ROBO2: variants seen among roughly 807,000 people sequenced by gnomAD.
ROBO2 encodes roundabout guidance receptor 2.
In ROBO2, 53 loss-of-function variants were observed where a neutral mutation model predicts 160.8. The ratio of observed to expected loss-of-function variants is 0.33; its 90% CI spans 0.26 to 0.41. ROBO2 has a LOEUF of 0.41. Ranked by LOEUF, ROBO2 falls within the 10% of genes least tolerant of loss-of-function variation. ROBO2 has a pLI of 1.00. For missense variants in ROBO2, 1,577 were observed against 1,722.4 expected, an observed-to-expected ratio of 0.92 and a Z score of 1.49; for synonymous variants, 664 against 611.7, an observed-to-expected ratio of 1.09 and a Z score of -1.26.
At chr3:76,166,394 T>C (rs1041847530) in intron 2 of ROBO2, among the ~76,000 whole-genome samples, 5 of 152,226 alleles carry the variant, frequency 3.3e-5, no homozygotes, top group East Asian at 3.9e-4. Flanking sequence ...GTTCAGCTCA[T>C]GTTCAGCTCA....
intron 1 of ROBO2, among the ~76,000 whole-genome samples, chr3:77,063,622 G>A (rs1372766039): frequency 3.3e-5 from 5 of 152,098 alleles, no homozygotes; most frequent in Non-Finnish European, 5.9e-5. Flanking sequence ...TCACACTTAC[G>A]TTAGGCTACT....
At chr3:77,061,688 C>G (rs1347987215) in intron 1 of ROBO2, among the ~76,000 whole-genome samples, 2 of 152,114 alleles carry the variant, frequency 1.3e-5, no homozygotes, top group Non-Finnish European at 2.9e-5. Flanking sequence ...GGACTTATCA[C>G]CATGGATCGT....
chr3:76,107,805 T>A (rs1298788070), intron 2 of ROBO2, among the ~76,000 whole-genome samples: 1 of 152,134 alleles, frequency 6.6e-6, no homozygotes, highest in Non-Finnish European at 1.5e-5. Flanking sequence ...TATATTTTTC[T>A]TATTTTTCCC....
intron 2 of ROBO2, among the ~76,000 whole-genome samples, chr3:77,205,937 T>C (rs892623457): frequency 3.2e-4 from 48 of 152,096 alleles, no homozygotes; most frequent in African/African-American, 1.1e-3. Flanking sequence ...ACAACAGAAA[T>C]GCATTATCTT....
At chr3:76,495,402 GA>G (rs930237142) in intron 2 of ROBO2, among the ~76,000 whole-genome samples, 17 of 152,064 alleles carry the variant, frequency 1.1e-4, no homozygotes, top group Admixed American at 1.0e-3. Context: ...TTAATGCCAT[GA>G]GACAGCCTCA....
At chr3:76,951,107 A>G (rs1056482311) in intron 2 of ROBO2, among the ~76,000 whole-genome samples, 3 of 152,184 alleles carry the variant, frequency 2.0e-5, no homozygotes, top group Admixed American at 6.5e-5. Context: ...TACAATTTTC[A>G]TCAAGGTGAT....
intron 2 of ROBO2, among the ~76,000 whole-genome samples, chr3:77,473,101 T>C (rs1473797286): frequency 6.6e-6 from 1 of 152,020 alleles, no homozygotes; most frequent in East Asian, 1.9e-4. Context: ...GTTGGTTTTA[T>C]AGATGAGCTT....
chr3:76,141,113 C>A (rs2071627142), intron 2 of ROBO2, among the ~76,000 whole-genome samples: 2 of 46,200 alleles, frequency 4.3e-5, no homozygotes, highest in Non-Finnish European at 8.4e-5. Context: ...TATGAGCTAC[C>A]ATGCTCTCTC....
At chr3:77,100,051 A>G (rs2071687596) in intron 2 of ROBO2, among the ~76,000 whole-genome samples, 1 of 152,210 alleles carries the variant, frequency 6.6e-6, no homozygotes, top group African/African-American at 2.4e-5. Flanking sequence ...ATTAAAGTAT[A>G]TAAAAATTGA....
chr3:76,089,710 G>C (rs2069152019), intron 2 of ROBO2, among the ~76,000 whole-genome samples: 1 of 152,138 alleles, frequency 6.6e-6, no homozygotes, highest in South Asian at 2.1e-4. Context: ...AAAGATCTAA[G>C]TCTACAGCTA....
chr3:76,435,074 C>T, intron 2 of ROBO2: 3 of 1,065,914 alleles, frequency 2.8e-6, no homozygotes, highest in Non-Finnish European at 4.4e-6. Context: ...AGTGTGTCAA[C>T]ATGACATTGC....
chr3:77,239,432 G>A (rs372428762), intron 2 of ROBO2, among the ~76,000 whole-genome samples: 38 of 152,120 alleles, frequency 2.5e-4, no homozygotes, highest in African/African-American at 8.4e-4. Context: ...AAGGCAGTGC[G>A]GACCCAAAGG....
At chr3:76,031,932 A>G (rs781468013) in intron 2 of ROBO2, among the ~76,000 whole-genome samples, 4 of 152,132 alleles carry the variant, frequency 2.6e-5, no homozygotes, top group Non-Finnish European at 4.4e-5. Flanking sequence ...ATAGTTTCAG[A>G]AGGAATGGTA....
chr3:76,917,450 A>C (rs1044247137), intron 2 of ROBO2, among the ~76,000 whole-genome samples: 4 of 152,222 alleles, frequency 2.6e-5, no homozygotes, highest in African/African-American at 4.8e-5. Flanking sequence ...AAAATCATGA[A>C]AACATTAGGA....
intron 2 of ROBO2, among the ~76,000 whole-genome samples, chr3:75,950,956 T>A (rs894052279): frequency 5.3e-5 from 8 of 152,240 alleles, no homozygotes; most frequent in Non-Finnish European, 1.2e-4. Context: ...CTAGTTTTTA[T>A]TAATCTTAAA....
At chr3:76,955,888 C>CG (rs546193414) in intron 2 of ROBO2, among the ~76,000 whole-genome samples, 1 of 124,080 alleles carries the variant, frequency 8.1e-6, no homozygotes, top group Admixed American at 8.3e-5. Context: ...GAGACTCCGT[C>CG]AAAAAAAAAA....
At chr3:77,293,719 A>G (rs2061620729) in intron 2 of ROBO2, among the ~76,000 whole-genome samples, 1 of 141,864 alleles carries the variant, frequency 7.0e-6, no homozygotes, top group South Asian at 2.2e-4. Flanking sequence ...GACATAAAGT[A>G]AAATTGATGG....
At chr3:77,163,642 T>C (rs1159527683) in intron 2 of ROBO2, among the ~76,000 whole-genome samples, 1 of 152,208 alleles carries the variant, frequency 6.6e-6, no homozygotes, top group African/African-American at 2.4e-5. Context: ...TAACTGTATG[T>C]TCATGTGTTT....
intron 2 of ROBO2, among the ~76,000 whole-genome samples, chr3:76,622,702 T>C (rs1183848843): frequency 1.3e-5 from 2 of 152,194 alleles, no homozygotes; most frequent in Non-Finnish European, 2.9e-5. Flanking sequence ...TGCTGTTCTC[T>C]TTCCAAACCT....
Sources: gnomAD v4.1 joint callset for allele counts (sites outside exome capture counted in the v4.1 genomes callset) on GRCh38, gnomAD v4.1.1 for gene constraint, MANE v1.5 for transcripts, NCBI Gene and HGNC (gene_info 2026-07-23, HGNC 2026-07-21) for gene names.